Variants in MCM4 observed in about 807,000 individuals in gnomAD.
The protein encoded by MCM4 is DNA replication licensing factor MCM4.
Under a neutral mutation model 88.7 loss-of-function variants are expected in MCM4, and 60 were observed. The observed-to-expected ratio is 0.68, with a 90% CI of 0.55 to 0.84. MCM4 has a LOEUF of 0.84. Among genes scored for constraint, MCM4 ranks in the 40% least tolerant of loss-of-function variants. The probability of loss-of-function intolerance (pLI) is 0.00; values close to 1 mark genes in which losing one functional copy is unlikely to be tolerated. For synonymous variants in MCM4, 465 were observed against 410.5 expected (o/e 1.13, Z -1.61); for missense variants, 1,149 against 1,105.5 (o/e 1.04, Z -0.56).
intron 13 of MCM4, among the ~76,000 whole-genome samples, chr8:47,972,150 G>A (rs1395640249): frequency 1.3e-5 from 2 of 149,468 alleles, no homozygotes; most frequent in Non-Finnish European, 2.9e-5. Context: ...CACAAGAATT[G>A]CTTGAGCCTG....
chr8:47,972,768 GC>G, intron 13 of MCM4, 88 bp from the exon 14 acceptor site: 2 of 962,408 alleles, frequency 2.1e-6, no homozygotes, highest in Non-Finnish European at 3.2e-6. Flanking sequence ...TGTTGGCCAG[GC>G]TGGTCTCAAA....
At chr8:47,963,085 G>C (rs376543085) in intron 7 of MCM4, 45 bp downstream of exon 7, 14 of 1,095,600 alleles carry the variant, frequency 1.3e-5, no homozygotes, top group Non-Finnish European at 1.8e-5. Context: ...TAACAGTCTA[G>C]AAAGAATGTT....
Position 47,970,578 on chromosome 8 carries a change from G to A in MCM4, c.1502G>A (p.Arg501Gln). The change falls in exon 12 of 17, where the codon CGG becomes CAG. Residue 501 changes from arginine (R) to glutamine (Q), a missense_variant. Physicochemically the swap from Arg to Gln is conservative, Grantham distance 43 (BLOSUM62 1). This residue lies in a region of MCM4 where 906 missense variants were observed against 843.0 expected (regional missense o/e 1.07). Transcript: ENST00000649973. ...AGTCACACTGGAAGGGGCAAATTTC[G>A]GGCTGAGATCAACATCTTGCTGTGT... ...DFSHTGRGKF[R>Q]AEINILLCGD... 1 of 1,613,972 alleles carries A rather than the reference G, an allele frequency of 6.2e-7. No individual in the cohort carries two copies. The highest frequency in any genetic ancestry group is 8.5e-7 in the Non-Finnish European group (1 of 1,179,932).
At position 47,961,654 on chromosome 8, in the gene MCM4, C is replaced by A; in HGVS notation, c.209C>A (p.Ser70Tyr). 6.2e-7 allele frequency: 1 copy of A among 1,611,540 alleles called. No homozygotes were observed. Among genetic ancestry groups the A allele is most frequent in the Non-Finnish European group, 8.5e-7 (1 of 1,178,244 alleles). ...QSPAAQDVLF[S>Y]SPPQMHSSAI... ...CCTGCTGCGCAGGACGTGCTGTTTT[C>A]CAGCCCTCCCCAAATGCATTCTTCA... Residue 70 changes from serine to tyrosine, a missense_variant, in exon 3 of 17, where the codon TCC becomes TAC. Physicochemically the swap from Ser to Tyr is moderately radical, Grantham distance 144 (BLOSUM62 -2). Around this residue, in one of 3 missense-constraint regions of MCM4, gnomAD observed 906 missense variants for 843.0 expected, o/e 1.07. Coordinates refer to ENST00000649973, the MANE Select transcript of MCM4 (RefSeq NM_182746.3).
rs979395532 is a variant in MCM4, at chr8:47,966,263, C to T, written c.909C>T (p.Phe303=). ...TGATTCCCGAGATGCAGGAGGCCTT[C>T]TTCCAGTGCCAAGTGTGTGCCCACA... ...SQLIPEMQEA[F]FQCQVCAHTT... is the part of the protein sequence containing the mutation. The change falls in exon 9 of 17, where the codon TTC becomes TTT. Residue 303 remains phenylalanine (F), a synonymous_variant. Transcript: ENST00000649973. The T allele has an allele frequency of 6.2e-7, 1 of 1,614,032 alleles. No individual in the cohort carries two copies. Among genetic ancestry groups the T allele is most frequent in the African/African-American group, 1.3e-5 (1 of 74,930 alleles).
intron 10 of MCM4, 40 bp from the exon 11 acceptor site, chr8:47,969,758 T>C: frequency 6.2e-7 from 1 of 1,609,416 alleles, no homozygotes; most frequent in Non-Finnish European, 8.5e-7. Context: ...CGGAGGAAGA[T>C]ATGGGAAGGT....
Position 47,964,628 on chromosome 8 carries a change from C to G in MCM4, c.748C>G (p.Pro250Ala), listed in dbSNP as rs1448969276. 1 of 1,606,890 alleles carries G rather than the reference C, an allele frequency of 6.2e-7. No homozygotes were observed. The highest frequency in any genetic ancestry group is 1.3e-5 in the African/African-American group (1 of 74,736). ...AVNEIFFDRY[P>A]DSILEHQIQV... is the part of the protein sequence containing the mutation. ...CAATGAAATCTTCTTTGACCGTTAC[C>G]CTGACTCAATCTTAGAACATCAGAT... is the stretch of plus-strand genomic sequence containing the variant. Residue 250 changes from proline to alanine, a missense_variant, in exon 8 of 17, where the codon CCT becomes GCT. This residue lies in a region of MCM4 where 906 missense variants were observed against 843.0 expected (regional missense o/e 1.07). Coordinates refer to ENST00000649973, the MANE Select transcript of MCM4 (RefSeq NM_182746.3).
chr8:47,967,399 C>T lies in MCM4; in HGVS notation c.1088C>T (p.Ala363Val). 1 of 1,614,210 alleles carries T rather than the reference C, an allele frequency of 6.2e-7. No homozygotes were observed. The highest frequency in any genetic ancestry group is 8.5e-7 in the Non-Finnish European group (1 of 1,180,014). ...CAGGAGTCTCCGGAAGACATGCCTG[C>T]AGGGCAGACACCACACACAGTTATC... The part of the protein sequence containing the change: ...KLQESPEDMP[A>V]GQTPHTVILF... The change falls in exon 10 of 17, where the codon GCA becomes GTA. Residue 363 changes from alanine to valine, a missense_variant. By Grantham distance (64) the Ala-to-Val change is moderately conservative. Transcript: ENST00000649973.
chr8:47,962,685 A>T, intron 5 of MCM4, 79 bp from the exon 6 acceptor site: 1 of 798,796 alleles, frequency 1.3e-6, no homozygotes, highest in Non-Finnish European at 2.1e-6. Flanking sequence ...ATAGTGACAT[A>T]CTCATAACTT....
At chr8:47,971,063 G>A (rs987426803) in intron 12 of MCM4, among the ~76,000 whole-genome samples, 187 bp downstream of exon 12, 1 of 152,138 alleles carries the variant, frequency 6.6e-6, no homozygotes, top group African/African-American at 2.4e-5. Context: ...TGTCTTTATT[G>A]CTGTACTAGC....
Position 47,962,071 on chromosome 8 carries a change from A to G in MCM4, c.254A>G (p.Asp85Gly), listed in dbSNP as rs764084830. Residue 85 changes from aspartate to glycine, a missense_variant, in exon 4 of 17, where the codon GAT becomes GGT. Around this residue, in one of 3 missense-constraint regions of MCM4, gnomAD observed 906 missense variants for 843.0 expected, o/e 1.07. Coordinates refer to ENST00000649973, the MANE Select transcript of MCM4 (RefSeq NM_182746.3). ...MHSSAIPLDF[D>G]VSSPLTYGTP... ...TTTATAGCTATCCCTCTTGACTTTGATGTTAGTTCACCACTGACATACGGC... is the reference window on the plus strand; with the variant it reads ...TTTATAGCTATCCCTCTTGACTTTGGTGTTAGTTCACCACTGACATACGGC... 1 of 1,614,088 alleles carries G rather than the reference A, an allele frequency of 6.2e-7. No homozygotes were observed.
rs766056709 is a variant in MCM4, at chr8:47,962,811, T to C, written c.549T>C (p.Asn183=). The C allele has an allele frequency of 1.4e-5, 23 of 1,609,624 alleles. 1 individual carries two copies. The highest frequency in any genetic ancestry group is 2.2e-5 in the East Asian group (1 of 44,784). ...FIDPLAKEEE[N]VGIDITEPLY... is the part of the protein sequence containing the mutation. The stretch of plus-strand genomic sequence containing the variant: ...ACCCTCTGGCTAAAGAAGAAGAAAA[T>C]GTTGGCATAGATATTACTGAACCTC... Residue 183 remains asparagine, a synonymous_variant, in exon 6 of 17, where the codon AAT becomes AAC. Transcript: ENST00000649973.
intron 10 of MCM4, chr8:47,969,230 GTTTTGTTTTGTTTTGTTTTGTTTCA>G (rs1464079215): frequency 6.6e-6 from 1 of 152,182 alleles, no homozygotes; most frequent in Non-Finnish European, 1.4e-5. Flanking sequence ...TTTCTCTTTT[GTTTTGTTTTGTTTTGTTTTGTTTCA>G]TTTTGTTTTG....
chr8:47,972,226 ACT>A (rs1292968667), intron 13 of MCM4, among the ~76,000 whole-genome samples: 4 of 134,134 alleles, frequency 3.0e-5, no homozygotes, highest in Admixed American at 8.4e-5. Context: ...ACAGAGTGAG[ACT>A]CTGTCTCAAA....
intron 5 of MCM4, 54 bp downstream of exon 5, chr8:47,962,460 C>T (rs972015229): frequency 1.7e-5 from 27 of 1,552,932 alleles, no homozygotes; most frequent in African/African-American, 4.1e-5. Context: ...GTTGGGAGAC[C>T]GTGTTTATAA....
intron 15 of MCM4, 95 bp downstream of exon 15, chr8:47,975,057 G>A: frequency 9.8e-7 from 1 of 1,021,386 alleles, no homozygotes; most frequent in Non-Finnish European, 1.4e-6. Context: ...TAAATCATTT[G>A]AAACAGAAGT....
intron 10 of MCM4, chr8:47,969,185 G>A (rs189918914): frequency 4.6e-5 from 7 of 153,776 alleles, no homozygotes; most frequent in African/African-American, 9.6e-5. Flanking sequence ...AGGTGAACAC[G>A]TCCTCGGGTC....
At chr8:47,964,551 C>T (rs753759421) in intron 7 of MCM4, 23 bp from the exon 8 acceptor site, 2 of 1,550,128 alleles carry the variant, frequency 1.3e-6, no homozygotes, top group South Asian at 1.2e-5. Flanking sequence ...AATACAAATA[C>T]ATCTTCATAT....
At position 47,962,979 on chromosome 8, in the gene MCM4, A is replaced by G. The variant is rs770309613; in HGVS notation, c.632A>G (p.Asn211Ser). 2.5e-6 allele frequency: 4 copies of G among 1,607,788 alleles called. No homozygotes were observed. The highest frequency in any genetic ancestry group is 3.4e-6 in the Non-Finnish European group (4 of 1,177,526). ...ATTGGTGAGCCATTTTTAAATGTGA[A>G]CTGTGAACACATCAAATCATTTGAC... ...NVIGEPFLNV[N>S]CEHIKSFDKN... Residue 211 changes from asparagine (N) to serine (S), a missense_variant, in exon 7 of 17, where the codon AAC (asparagine) becomes AGC (serine). Coordinates refer to ENST00000649973, the MANE Select transcript of MCM4 (RefSeq NM_182746.3).
Sources: allele counts gnomAD v4.1 joint callset (sites outside exome capture counted in the v4.1 genomes callset), GRCh38; gene constraint gnomAD v4.1.1; regional missense constraint gnomAD v4.1.1; transcripts MANE v1.5; gene names NCBI Gene and HGNC (gene_info 2026-07-23, HGNC 2026-07-21).